Variants in ARHGEF28 observed in about 807,000 individuals in gnomAD.
The protein encoded by ARHGEF28 is Rho guanine nucleotide exchange factor 28, also known as 190 kDa guanine nucleotide exchange factor.
ARHGEF28 carries 152 observed loss-of-function variants against 206.6 expected under a neutral mutation model. The observed-to-expected ratio is 0.74, with a 90% CI of 0.64 to 0.84. The LOEUF is 0.84. Among genes scored for constraint, ARHGEF28 ranks in the 40% least tolerant of loss-of-function variants. The pLI, the probability that ARHGEF28 is intolerant of heterozygous loss-of-function variation, is 0.00. For missense variants in ARHGEF28, 2,028 were observed against 2,073.2 expected (o/e 0.98, Z 0.42); for synonymous variants, 763 against 776.4 (o/e 0.98, Z 0.29).
At chr5:73,648,971 A>G (rs755821094) in intron 1 of ARHGEF28, among the ~76,000 whole-genome samples, 13 of 152,232 alleles carry the variant, frequency 8.5e-5, no homozygotes, top group Non-Finnish European at 1.6e-4. Context: ...TAAGATTTAT[A>G]GCAGTCACTG....
intron 1 of ARHGEF28, among the ~76,000 whole-genome samples, chr5:73,650,850 A>G (rs1744774662): frequency 6.6e-6 from 1 of 151,814 alleles, no homozygotes; most frequent in Admixed American, 6.6e-5. Context: ...GGGTTTTGTC[A>G]TGTTGTCAGG....
At chr5:73,661,533 T>C (rs549605681) in intron 1 of ARHGEF28, among the ~76,000 whole-genome samples, 84 of 152,328 alleles carry the variant, frequency 5.5e-4, no homozygotes, top group African/African-American at 2.0e-3. Flanking sequence ...ATCTTGGCTT[T>C]TGATGTGCCT....
chr5:73,900,960 CG>C, intron 30 of ARHGEF28: 2 of 426,512 alleles, frequency 4.7e-6, no homozygotes, highest in South Asian at 5.4e-5. Context: ...ATACTTTGTG[CG>C]GTTCGTCAGT....
chr5:73,684,956 G>A (rs1747360033), intron 2 of ARHGEF28, 72 bp downstream of exon 2: 2 of 1,506,894 alleles, frequency 1.3e-6, no homozygotes, highest in East Asian at 2.3e-5. Context: ...ACTGAAGTGG[G>A]GAGAAATGTT....
At chr5:73,889,305 C>T (rs950013996) in intron 26 of ARHGEF28, among the ~76,000 whole-genome samples, 1 of 152,166 alleles carries the variant, frequency 6.6e-6, no homozygotes, top group Non-Finnish European at 1.5e-5. Context: ...TGGAAGTAGC[C>T]AGAAGATAAG....
chr5:73,754,203 C>G (rs569684023), intron 4 of ARHGEF28, among the ~76,000 whole-genome samples: 1 of 152,128 alleles, frequency 6.6e-6, no homozygotes, highest in Non-Finnish European at 1.5e-5. Context: ...ATTAAATGCA[C>G]TGCTCTGGGT....
chr5:73,816,364 A>G (rs913367303), intron 9 of ARHGEF28, among the ~76,000 whole-genome samples: 1 of 152,158 alleles, frequency 6.6e-6, no homozygotes, highest in African/African-American at 2.4e-5. Flanking sequence ...AGGTGGCTTG[A>G]ATTTCTTAAT....
chr5:73,628,153 TATA>T lies in ARHGEF28; in HGVS notation c.-12+1833_-12+1835del, dbSNP rs1743123917. Among the ~76,000 whole-genome samples the T allele has an allele frequency of 2.0e-5, 3 of 152,132 alleles. No homozygotes were observed. The South Asian group carries it at 6.2e-4, about 31-fold the overall frequency. ...TTGGAATGTTTTCTTATTGTGTTCT[TATA>T]AGAAACTACACTTGTGGCTAAGACT... is the stretch of plus-strand genomic sequence containing the variant. On this transcript the variant is annotated intron_variant, in intron 1 of 35. Transcript: ENST00000513042.
At chr5:73,856,162 G>A (rs936826234) in intron 14 of ARHGEF28, among the ~76,000 whole-genome samples, 3 of 152,138 alleles carry the variant, frequency 2.0e-5, no homozygotes, top group African/African-American at 7.2e-5. Flanking sequence ...TGCAAATTAG[G>A]ATGTGTAAGA....
At chr5:73,658,969 A>ACC in intron 1 of ARHGEF28, among the ~76,000 whole-genome samples, 1 of 115,362 alleles carries the variant, frequency 8.7e-6, no homozygotes, top group African/African-American at 3.3e-5. Context: ...AGGTACACAC[A>ACC]CACACACACA....
intron 6 of ARHGEF28, among the ~76,000 whole-genome samples, chr5:73,777,192 T>C (rs1753589029): frequency 6.6e-6 from 1 of 152,188 alleles, no homozygotes; most frequent in Non-Finnish European, 1.5e-5. Flanking sequence ...AACCCCACCT[T>C]TGGGTGCTAT....
At chr5:73,782,267 C>T (rs567430249) in intron 7 of ARHGEF28, among the ~76,000 whole-genome samples, 51 of 152,038 alleles carry the variant, frequency 3.4e-4, no homozygotes, top group African/African-American at 9.4e-4. Flanking sequence ...GGCGAAACCC[C>T]GTCTTTACTA....
intron 9 of ARHGEF28, among the ~76,000 whole-genome samples, chr5:73,832,079 GC>G (rs1445828039): frequency 6.6e-6 from 1 of 152,294 alleles, no homozygotes; most frequent in East Asian, 1.9e-4. Context: ...TTTTACAAAG[GC>G]CTCTAATGAT....
intron 2 of ARHGEF28, among the ~76,000 whole-genome samples, chr5:73,703,808 C>T (rs374386540): frequency 7.9e-5 from 12 of 151,878 alleles, no homozygotes; most frequent in South Asian, 2.1e-4. Context: ...GAGGCCGAGG[C>T]GGGCAGATCA....
chr5:73,761,375 A>G (rs1383830889), intron 4 of ARHGEF28, among the ~76,000 whole-genome samples: 1 of 152,166 alleles, frequency 6.6e-6, no homozygotes, highest in Admixed American at 6.5e-5. Context: ...TTGTAGATAA[A>G]ACATTGGTTT....
rs184169108 is a variant in ARHGEF28, at chr5:73,871,489, G to A, written c.2566+1280G>A. 3.3e-5 allele frequency among the ~76,000 whole-genome samples: 5 copies of A among 152,258 alleles called. No homozygotes were observed. The East Asian group carries it at 7.7e-4, about 23-fold the overall frequency. ...CTGACTCTCCATGGCTGATATTTAA[G>A]GTTCTTTCCCAAAACTTGCGGTAAG... On this transcript the variant is annotated intron_variant, in intron 21 of 35. Coordinates refer to ENST00000513042, the MANE Select transcript of ARHGEF28 (RefSeq NM_001177693.2).
intron 28 of ARHGEF28, 69 bp downstream of exon 28, chr5:73,893,357 A>T (rs533393551): frequency 7.8e-7 from 1 of 1,290,172 alleles, no homozygotes; most frequent in Non-Finnish European, 1.0e-6. Context: ...CCTGAGTGTC[A>T]TGAACAGGAG....
chr5:73,738,594 A>C (rs1317994479), intron 2 of ARHGEF28, among the ~76,000 whole-genome samples: 2 of 152,008 alleles, frequency 1.3e-5, no homozygotes, highest in African/African-American at 4.8e-5. Flanking sequence ...GATGCTGGCC[A>C]GATGAGAGGG....
At chr5:73,806,280 C>G (rs912192253) in intron 9 of ARHGEF28, among the ~76,000 whole-genome samples, 6 of 122,644 alleles carry the variant, frequency 4.9e-5, no homozygotes, top group African/African-American at 2.0e-4. Flanking sequence ...GATATATATA[C>G]ATAGATAGTA....
Sources: allele counts gnomAD v4.1 joint callset (sites outside exome capture counted in the v4.1 genomes callset), GRCh38; gene constraint gnomAD v4.1.1; transcripts MANE v1.5; gene names NCBI Gene and HGNC (gene_info 2026-07-23, HGNC 2026-07-21).